FABP7: variants seen among roughly 807,000 people sequenced by gnomAD.
The protein encoded by FABP7 is fatty acid-binding protein, brain.
In FABP7, 13 loss-of-function variants were observed where a neutral mutation model predicts 14.2. The observed-to-expected ratio is 0.91, with a 90% CI of 0.59 to 1.45. The LOEUF (loss-of-function observed/expected upper bound fraction) is 1.45, where lower values mean the gene tolerates loss of function less well. Ranked by LOEUF, FABP7 falls within the 40% of genes most tolerant of loss-of-function variation. The pLI, the probability that FABP7 is intolerant of heterozygous loss-of-function variation, is 0.00. For synonymous variants in FABP7, 49 were observed against 51.4 expected (o/e 0.95, Z 0.20); for missense variants, 149 against 157.6 (o/e 0.95, Z 0.29).
the FABP7 span, among the ~76,000 whole-genome samples, chr6:122,761,556 T>G: frequency 1.3e-5 from 2 of 152,196 alleles, no homozygotes; most frequent in African/African-American, 4.8e-5. Flanking sequence ...TTATATTAAT[T>G]GATCTAAGTA....
rs1169920009 is a variant in FABP7 at position 122,779,740 on chromosome 6, G to A, written c.-55G>A. 2.1e-5 allele frequency: 32 copies of A among 1,550,020 alleles called. No individual in the cohort carries two copies. The Admixed American group carries it at 5.4e-4, about 26-fold the overall frequency. On this transcript the variant is annotated 5_prime_UTR_variant, in exon 1 of 4. Transcript: ENST00000368444. ...TGTAAAGGGTCTTCTGAGCTGCAGT[G>A]GCAATTAGACCAGAAGATCCCCGCT... is the stretch of plus-strand genomic sequence containing the variant.
upstream of FABP7, among the ~76,000 whole-genome samples, chr6:122,776,301 GA>G (rs1422928086): frequency 6.6e-6 from 1 of 152,074 alleles, no homozygotes; most frequent in African/African-American, 2.4e-5. Flanking sequence ...AATGGATAAA[GA>G]AAATGTGGTA....
At chr6:122,761,822 A>G in the FABP7 span, among the ~76,000 whole-genome samples, 1 of 152,322 alleles carries the variant, frequency 6.6e-6, no homozygotes, top group South Asian at 2.1e-4. Context: ...TTTCTGAAAA[A>G]GAAATCAATT....
intron 3 of FABP7, 121 bp downstream of exon 3, chr6:122,781,315 A>G: frequency 6.5e-7 from 1 of 1,549,470 alleles, no homozygotes; most frequent in Middle Eastern, 1.7e-4. Context: ...CTTTAATAAT[A>G]CATCACTGGC....
chr6:122,772,288 C>A, the FABP7 span, among the ~76,000 whole-genome samples: 3 of 151,954 alleles, frequency 2.0e-5, no homozygotes, highest in Non-Finnish European at 4.4e-5. Context: ...TCCTCAGTCA[C>A]TATGTCAGAT....
In FABP7 at chr6:122,783,982, C is replaced by T. The variant is rs1471497408; in HGVS notation, c.*215C>T. On this transcript the variant is annotated 3_prime_UTR_variant, in exon 4 of 4. Coordinates refer to ENST00000368444, the MANE Select transcript of FABP7 (RefSeq NM_001446.5). Reference sequence around the variant, plus strand: ...TTTATAATTTGAATTAAAGTTTTGTCCCCCCCCCCCTTTTTTTTATAAACA... The same window carrying T: ...TTTATAATTTGAATTAAAGTTTTGTTCCCCCCCCCCTTTTTTTTATAAACA... 9 of 7,874 alleles carry T rather than the reference C, an allele frequency of 1.1e-3. No homozygotes were observed. Among genetic ancestry groups the T allele is most frequent in the South Asian group, 9.3e-3 (2 of 214 alleles). 0.5% of individuals were successfully genotyped at this position (7,874 alleles called of 1,614,324 possible).
chr6:122,781,178 A>T lies in FABP7; in HGVS notation c.332A>T (p.Asp111Val). 6.2e-7 allele frequency: 1 copy of T among 1,614,020 alleles called. No homozygotes were observed. Among genetic ancestry groups the T allele is most frequent in the Non-Finnish European group, 8.5e-7 (1 of 1,179,952 alleles). The stretch of plus-strand genomic sequence containing the variant: ...ACAAATTTTGTAAGAGAAATTAAGG[A>T]TGGCAAAATGGTTATGGTAAGTAAT... ...KETNFVREIK[D>V]GKMVMTLTFG... The change falls in exon 3 of 4, where the codon GAT (aspartate) becomes GTT (valine). Residue 111 changes from aspartate (D) to valine (V), a missense_variant. Transcript: ENST00000368444.
the FABP7 span, among the ~76,000 whole-genome samples, chr6:122,766,890 G>A: frequency 6.6e-6 from 1 of 151,934 alleles, no homozygotes; most frequent in African/African-American, 2.4e-5. Context: ...TCTACAAATT[G>A]TTACAAATAA....
At position 122,783,997 on chromosome 6, in the gene FABP7, T is replaced by A. The variant is rs567578130; in HGVS notation, c.*230T>A. On this transcript the variant is annotated 3_prime_UTR_variant, in exon 4 of 4. Coordinates refer to ENST00000368444, the MANE Select transcript of FABP7 (RefSeq NM_001446.5). ...AAAGTTTTGTCCCCCCCCCCCTTTTTTTTATAAACAAGTGAATACATTTTA... is the reference window on the plus strand; with the variant it reads ...AAAGTTTTGTCCCCCCCCCCCTTTTATTTATAAACAAGTGAATACATTTTA... The A allele has an allele frequency of 1.1e-5, 4 of 367,874 alleles. No homozygotes were observed. The East Asian group carries it at 2.1e-4, about 19-fold the overall frequency. 22.8% of individuals were successfully genotyped at this position (367,874 alleles called of 1,614,324 possible).
intron 3 of FABP7, chr6:122,781,429 T>C: frequency 7.1e-7 from 1 of 1,407,734 alleles, no homozygotes. Flanking sequence ...AAAATTCATG[T>C]GTAGTTAAAA....
intron 3 of FABP7, chr6:122,783,102 A>C: frequency 1.0e-6 from 1 of 985,434 alleles, no homozygotes; most frequent in African/African-American, 1.7e-5. Context: ...AAACCCCCTA[A>C]GTTCTGTAAA....
the FABP7 span, among the ~76,000 whole-genome samples, chr6:122,754,960 C>T: frequency 6.6e-6 from 1 of 152,014 alleles, no homozygotes; most frequent in African/African-American, 2.4e-5. Flanking sequence ...CAGGTATTGA[C>T]ATCACCACTA....
At chr6:122,753,687 G>A in the FABP7 span, among the ~76,000 whole-genome samples, 1 of 151,824 alleles carries the variant, frequency 6.6e-6, no homozygotes, top group East Asian at 1.9e-4. Flanking sequence ...ACGAAAGCAG[G>A]GATTTATTGA....
At chr6:122,761,257 T>C in the FABP7 span, among the ~76,000 whole-genome samples, 3 of 152,138 alleles carry the variant, frequency 2.0e-5, no homozygotes, top group African/African-American at 7.2e-5. Context: ...TCTATGAGGT[T>C]AAATTTGAAA....
intron 3 of FABP7, chr6:122,783,148 A>T: frequency 1.0e-6 from 1 of 985,464 alleles, no homozygotes; most frequent in Non-Finnish European, 1.2e-6. Context: ...TAGATTTGAC[A>T]TTAGAGTAAT....
At chr6:122,777,894 C>T (rs576749559), upstream of FABP7, among the ~76,000 whole-genome samples, 1 of 103,900 alleles carries the variant, frequency 9.6e-6, no homozygotes, top group African/African-American at 2.9e-5. Flanking sequence ...TATGTGCACT[C>T]CAAGTTTTAG....
chr6:122,775,796 A>G (rs1409344665), upstream of FABP7, among the ~76,000 whole-genome samples: 1 of 152,048 alleles, frequency 6.6e-6, no homozygotes, highest in East Asian at 1.9e-4. Context: ...CAGCAAGGGA[A>G]GACGTAAGAG....
At position 122,781,206 on chromosome 6, in the gene FABP7, C is replaced by T; in HGVS notation, c.348+12C>T. On this transcript the variant is annotated intron_variant, in intron 3 of 3. Coordinates refer to ENST00000368444, the MANE Select transcript of FABP7 (RefSeq NM_001446.5). ...GCAAAATGGTTATGGTAAGTAATGA[C>T]AATTCTCCATTCTTCCTTGTTTTTT... 1.2e-6 allele frequency: 2 copies of T among 1,613,426 alleles called. No individual in the cohort carries two copies. Among genetic ancestry groups the T allele is most frequent in the Non-Finnish European group, 1.7e-6 (2 of 1,179,588 alleles).
In FABP7 at chr6:122,782,047, C is replaced by CA; in HGVS notation, c.348+854dup. On this transcript the variant is annotated intron_variant, in intron 3 of 3. Coordinates refer to ENST00000368444, the MANE Select transcript of FABP7 (RefSeq NM_001446.5). ...GATTACAGGCCTGAGCCAAGGCTCC[C>CA]AGCCCCCAAAGAGAACCATTTTGAT... 7 of 985,410 alleles carry CA rather than the reference C, an allele frequency of 7.1e-6. 1 individual carries two copies. The South Asian group carries it at 3.3e-4, about 46-fold the overall frequency. 61.0% of individuals were successfully genotyped at this position (985,410 alleles called of 1,614,324 possible). A position where few individuals can be genotyped will look rare whatever the true frequency, so the allele number is the denominator to read the frequency against.
Sources: gnomAD v4.1 joint callset for allele counts (sites outside exome capture counted in the v4.1 genomes callset) on GRCh38, gnomAD v4.1.1 for gene constraint, MANE v1.5 for transcripts, NCBI Gene and HGNC (gene_info 2026-07-23, HGNC 2026-07-21) for gene names.